Variants in ZRSR2 observed in about 807,000 individuals in gnomAD.
The protein encoded by ZRSR2 is zinc finger CCCH-type, RNA binding motif and serine/arginine rich 2, also known as U2 small nuclear ribonucleoprotein auxiliary factor 35 kDa subunit-related protein 2.
Under a neutral mutation model 39.4 loss-of-function variants are expected in ZRSR2, and 3 were observed. The observed-to-expected ratio is 0.08, with a 90% CI of 0.03 to 0.20. The LOEUF (loss-of-function observed/expected upper bound fraction) is 0.20. Among genes scored for constraint, ZRSR2 ranks in the 10% least tolerant of loss-of-function variants. The pLI is 1.00. For missense variants in ZRSR2, 256 were observed against 391.5 expected, an observed-to-expected ratio of 0.65 and a Z score of 2.92; for synonymous variants, 137 against 136.0, an observed-to-expected ratio of 1.01 and a Z score of -0.05.
At chrX:15,794,683 G>A (rs1932391510) in intron 2 of ZRSR2, among the ~76,000 whole-genome samples, 1 of 111,589 alleles carries the variant, frequency 9.0e-6, no homozygotes, top group Non-Finnish European at 1.9e-5. Flanking sequence ...GGTGGAGGAG[G>A]TAGAAGGGAA....
intron 2 of ZRSR2, 126 bp downstream of exon 2, chrX:15,791,139 G>A (rs1324144206): frequency 1.8e-6 from 1 of 558,456 alleles, no homozygotes; most frequent in East Asian, 3.7e-5. Flanking sequence ...TGTGACTTCT[G>A]CCCCCAAGTA....
chrX:15,794,038 G>A (rs1407966118), intron 2 of ZRSR2, among the ~76,000 whole-genome samples: 6 of 112,013 alleles, frequency 5.4e-5, no homozygotes, highest in East Asian at 2.8e-4. Context: ...AAGCTACCTC[G>A]TCAGAAATTA....
intron 7 of ZRSR2, among the ~76,000 whole-genome samples, chrX:15,811,746 A>T (rs987557859): frequency 2.7e-5 from 3 of 110,621 alleles, no homozygotes; most frequent in Non-Finnish European, 3.8e-5. Context: ...TTTGTTGGGC[A>T]TAAGTGAGAG....
intron 2 of ZRSR2, among the ~76,000 whole-genome samples, chrX:15,798,873 A>C (rs757892528): frequency 9.0e-6 from 1 of 111,558 alleles, no homozygotes; most frequent in Non-Finnish European, 1.9e-5. Flanking sequence ...ACTCCCGGTG[A>C]TGCTAACTGT....
intron 2 of ZRSR2, among the ~76,000 whole-genome samples, chrX:15,797,612 AT>A (rs1932523953): frequency 2.8e-5 from 3 of 108,895 alleles, no homozygotes; most frequent in African/African-American, 1.0e-4. Flanking sequence ...CTTTTTCTTA[AT>A]TTTTTTCAGT....
intron 7 of ZRSR2, among the ~76,000 whole-genome samples, chrX:15,812,390 G>A (rs1278068410): frequency 8.9e-6 from 1 of 112,245 alleles, no homozygotes; most frequent in East Asian, 2.8e-4. Context: ...CTTTAGACAA[G>A]TAGACTGCTC....
chrX:15,814,899 A>C (rs1932940029), intron 7 of ZRSR2, among the ~76,000 whole-genome samples: 1 of 112,190 alleles, frequency 8.9e-6, no homozygotes, highest in African/African-American at 3.2e-5. Flanking sequence ...CATTAACTGG[A>C]AATTCTTGGA....
chrX:15,798,442 T>C (rs1041352688), intron 2 of ZRSR2, among the ~76,000 whole-genome samples: 26 of 112,666 alleles, frequency 2.3e-4, no homozygotes, highest in African/African-American at 7.1e-4. Flanking sequence ...TTGCCAGTTG[T>C]TAAAGTTTGG....
At chrX:15,808,127 C>CGT in intron 5 of ZRSR2, 106 bp from the exon 6 acceptor site, 1 of 665,429 alleles carries the variant, frequency 1.5e-6, no homozygotes, top group Non-Finnish European at 2.5e-6. Context: ...AACTTGTGTG[C>CGT]GTGTGTGTGT....
chrX:15,811,999 C>T (rs865925106), intron 7 of ZRSR2, among the ~76,000 whole-genome samples: 2 of 111,249 alleles, frequency 1.8e-5, no homozygotes, highest in Non-Finnish European at 3.8e-5. Context: ...GCACGATCTC[C>T]GCTCACTGCA....
chrX:15,791,994 C>T (rs1932297725), intron 2 of ZRSR2, among the ~76,000 whole-genome samples: 1 of 111,857 alleles, frequency 8.9e-6, no homozygotes, highest in African/African-American at 3.2e-5. Context: ...TTCGTAGAGA[C>T]GGGATTTCAC....
rs994911603 is a variant in ZRSR2 at position 15,800,022 on chromosome X, C to A, written c.203+69C>A. The A allele has an allele frequency of 6.7e-6, 5 of 744,516 alleles. No homozygotes were observed. In the African/African-American group the frequency reaches 1.1e-4, roughly 16 times the overall value. 61.4% of individuals were successfully genotyped at this position (744,516 alleles called of 1,213,427 possible). ...TTGGAATATTATCAACCTTTACTAACCAGTACCAGTCTTCTGTATAAAATC... is the reference window on the plus strand; with the variant it reads ...TTGGAATATTATCAACCTTTACTAAACAGTACCAGTCTTCTGTATAAAATC... On this transcript the variant is annotated intron_variant, in intron 3 of 10. Coordinates refer to ENST00000307771, the MANE Select transcript of ZRSR2 (RefSeq NM_005089.4).
intron 2 of ZRSR2, among the ~76,000 whole-genome samples, chrX:15,797,998 C>A (rs188434335): frequency 8.9e-6 from 1 of 112,026 alleles, no homozygotes; most frequent in Non-Finnish European, 1.9e-5. Context: ...GGTTCTCTGG[C>A]GCTTTAAGTA....
chrX:15,812,707 C>T (rs1252686347), intron 7 of ZRSR2, among the ~76,000 whole-genome samples: 2 of 111,876 alleles, frequency 1.8e-5, no homozygotes, highest in Middle Eastern at 4.2e-3. Context: ...AAAGAAGGTT[C>T]GTGATCTAGC....
rs1281019327 is a variant in ZRSR2 at position 15,803,806 on chromosome X, G to A, written c.312+10G>A. On this transcript the variant is annotated intron_variant, in intron 4 of 10. Coordinates refer to ENST00000307771, the MANE Select transcript of ZRSR2 (RefSeq NM_005089.4). ...GCAAGAAGAACAAGAGGTATGGTAG[G>A]AATCACGTAACTAGTGAACAAACTG... 8.5e-7 allele frequency: 1 copy of A among 1,181,283 alleles called. No individual in the cohort carries two copies.
At position 15,823,254 on chromosome X, in the gene ZRSR2, T is replaced by G. The variant is rs1359951755; in HGVS notation, c.*12T>G. On this transcript the variant is annotated 3_prime_UTR_variant, in exon 11 of 11. Transcript: ENST00000307771. ...CCAAATCCAAATAAACTAGTTTTGT[T>G]CTTAAATGATTGTATATCTTATTTA... 8.8e-7 allele frequency: 1 copy of G among 1,138,744 alleles called. No individual in the cohort carries two copies. Among genetic ancestry groups the G allele is most frequent in the African/African-American group, 1.8e-5 (1 of 54,476 alleles). The allele number at this position is 1,138,744 out of a possible 1,213,427, so 93.8% of individuals were successfully genotyped here. A position where few individuals can be genotyped will look rare whatever the true frequency, so the allele number is the denominator to read the frequency against.
Position 15,799,877 on chromosome X carries a change from T to C in ZRSR2, c.127T>C (p.Ser43Pro), listed in dbSNP as rs769474729. Residue 43 changes from serine to proline, a missense_variant, in exon 3 of 11, where the codon TCA becomes CCA. By Grantham distance (74) the Ser-to-Pro change is moderately conservative. Coordinates refer to ENST00000307771, the MANE Select transcript of ZRSR2 (RefSeq NM_005089.4). ...ELARLRDSGL[S>P]QKEEEEDTFI... ...AAAACATTTAAATTCCCTAGGACTC[T>C]CACAGAAGGAGGAAGAGGAGGACAC... 4 of 1,193,183 alleles carry C rather than the reference T, an allele frequency of 3.4e-6. No individual in the cohort carries two copies. The Admixed American group carries it at 8.8e-5, about 26-fold the overall frequency.
At chrX:15,816,638 C>T (rs778234247) in intron 8 of ZRSR2, among the ~76,000 whole-genome samples, 58 of 111,368 alleles carry the variant, frequency 5.2e-4, no homozygotes, top group South Asian at 4.5e-3. Context: ...GTGAAGCTTC[C>T]TGCCTTGTCT....
At position 15,813,294 on chromosome X, in the gene ZRSR2, A is replaced by C. The variant is rs377748397; in HGVS notation, c.558-2383A>C. The stretch of plus-strand genomic sequence containing the variant: ...TATGCCCTAAACCAGTGGTTCCCAA[A>C]TATGGCTGATCTTCAGGACCAGGTA... On this transcript the variant is annotated intron_variant, in intron 7 of 10. Coordinates refer to ENST00000307771, the MANE Select transcript of ZRSR2 (RefSeq NM_005089.4). Among the ~76,000 whole-genome samples, 4 of 112,099 alleles carry C rather than the reference A, an allele frequency of 3.6e-5. No homozygotes were observed. In the East Asian group the frequency reaches 1.1e-3, roughly 31 times the overall value.
Sources: gnomAD v4.1 joint callset for allele counts (sites outside exome capture counted in the v4.1 genomes callset) on GRCh38, gnomAD v4.1.1 for gene constraint, MANE v1.5 for transcripts, NCBI Gene and HGNC (gene_info 2026-07-23, HGNC 2026-07-21) for gene names.